The following NDUFA5 variants were observed in gnomAD, a reference collection of about 807,000 sequenced individuals.
NDUFA5 encodes the protein NADH:ubiquinone oxidoreductase subunit A5.
NDUFA5 carries 11 observed loss-of-function variants against 19.8 expected under a neutral mutation model. The ratio of observed to expected loss-of-function variants is 0.56; its 90% CI spans 0.35 to 0.92. The LOEUF is 0.92. Among genes scored for constraint, NDUFA5 ranks in the 40% least tolerant of loss-of-function variants. The probability of loss-of-function intolerance (pLI) is 0.01; values close to 1 mark genes in which losing one functional copy is unlikely to be tolerated. For missense variants in NDUFA5, 109 were observed against 134.2 expected (o/e 0.81, Z 0.93); for synonymous variants, 47 against 46.8 (o/e 1.00, Z -0.01).
the NDUFA5 span, among the ~76,000 whole-genome samples, chr7:123,588,034 T>A: frequency 6.1e-4 from 92 of 151,932 alleles, no homozygotes; most frequent in South Asian, 2.1e-3. Flanking sequence ...GGTATCAGGA[T>A]AATGCTGGCC....
chr7:123,599,305 T>C, the NDUFA5 span, among the ~76,000 whole-genome samples: 2 of 152,060 alleles, frequency 1.3e-5, no homozygotes, highest in Non-Finnish European at 2.9e-5. Context: ...TAACTTAAAG[T>C]AGGACTCCCC....
At chr7:123,592,377 A>G in the NDUFA5 span, among the ~76,000 whole-genome samples, 2 of 152,110 alleles carry the variant, frequency 1.3e-5, no homozygotes, top group Non-Finnish European at 2.9e-5. Context: ...TTGTGATGTT[A>G]GGGTGATTAT....
the NDUFA5 span, among the ~76,000 whole-genome samples, chr7:123,598,260 C>CT: frequency 6.6e-6 from 1 of 152,012 alleles, no homozygotes; most frequent in Non-Finnish European, 1.5e-5. Flanking sequence ...TTTCAAAGAA[C>CT]TTTCATAATT....
At chr7:123,595,514 C>T in the NDUFA5 span, among the ~76,000 whole-genome samples, 14 of 152,170 alleles carry the variant, frequency 9.2e-5, no homozygotes, top group African/African-American at 2.4e-4. Flanking sequence ...GACCAACTAT[C>T]GTCATGCTTA....
the NDUFA5 span, among the ~76,000 whole-genome samples, chr7:123,584,666 G>T: frequency 6.6e-6 from 1 of 152,016 alleles, no homozygotes; most frequent in East Asian, 1.9e-4. Context: ...AAATGCAGCT[G>T]AATAAAAATA....
chr7:123,538,405 C>T lies in NDUFA5; in HGVS notation c.*3714G>A, dbSNP rs929505651. ...CATCAATCATTCAAACCCCTTATCACATTCCCACTGTGATTTCCTGTGAAT... is the reference window on the plus strand; with the variant it reads ...CATCAATCATTCAAACCCCTTATCATATTCCCACTGTGATTTCCTGTGAAT... On this transcript the variant is annotated 3_prime_UTR_variant, in exon 5 of 5. Coordinates refer to ENST00000355749, the MANE Select transcript of NDUFA5 (RefSeq NM_005000.5). 1.3e-5 allele frequency: 2 copies of T among 152,248 alleles called. No individual in the cohort carries two copies. Among genetic ancestry groups the T allele is most frequent in the Admixed American group, 6.5e-5 (1 of 15,290 alleles). 9.4% of individuals were successfully genotyped at this position (152,248 alleles called of 1,614,324 possible).
At chr7:123,589,850 A>C in the NDUFA5 span, among the ~76,000 whole-genome samples, 1 of 152,012 alleles carries the variant, frequency 6.6e-6, no homozygotes, top group Non-Finnish European at 1.5e-5. Context: ...TGGGATCGCT[A>C]AGTCAAATGG....
the NDUFA5 span, among the ~76,000 whole-genome samples, chr7:123,586,017 T>C: frequency 6.6e-6 from 1 of 151,864 alleles, no homozygotes; most frequent in African/African-American, 2.4e-5. Flanking sequence ...TTGCTTATTC[T>C]GAATAATGCT....
the NDUFA5 span, among the ~76,000 whole-genome samples, chr7:123,583,838 G>C: frequency 6.6e-6 from 1 of 151,908 alleles, no homozygotes; most frequent in Non-Finnish European, 1.5e-5. Context: ...CAGTTAGTGA[G>C]ATGATTCCAC....
the NDUFA5 span, among the ~76,000 whole-genome samples, chr7:123,601,626 G>C: frequency 6.6e-6 from 1 of 152,132 alleles, no homozygotes; most frequent in African/African-American, 2.4e-5. Flanking sequence ...GAATTGGCAG[G>C]TCCTTTGTTT....
At chr7:123,551,636 T>C in intron 2 of NDUFA5, 1 of 375,632 alleles carries the variant, frequency 2.7e-6, no homozygotes, top group Non-Finnish European at 3.7e-6. Context: ...CTAAATACGG[T>C]CATAATACTT....
Position 123,540,231 on chromosome 7 carries a change from T to A in NDUFA5, c.*1888A>T, listed in dbSNP as rs576568081. ...CTTATGATAGTGCCTGACATTCATA[T>A]TAAAGTCTCAACAAACATTAGCTAT... On this transcript the variant is annotated 3_prime_UTR_variant, in exon 5 of 5. Coordinates refer to ENST00000355749, the MANE Select transcript of NDUFA5 (RefSeq NM_005000.5). The A allele has an allele frequency of 2.6e-5, 4 of 152,340 alleles. No homozygotes were observed. The highest frequency in any genetic ancestry group is 2.6e-4 in the Admixed American group (4 of 15,300). The allele number at this position is 152,340 out of a possible 1,614,324, so 9.4% of individuals were successfully genotyped here.
the NDUFA5 span, among the ~76,000 whole-genome samples, chr7:123,589,894 C>T: frequency 6.6e-6 from 1 of 152,188 alleles, no homozygotes; most frequent in Admixed American, 6.5e-5. Context: ...GGAATCGCCA[C>T]GCTGTCTTCC....
the NDUFA5 span, among the ~76,000 whole-genome samples, chr7:123,568,213 C>G: frequency 6.6e-6 from 1 of 152,262 alleles, no homozygotes; most frequent in South Asian, 2.1e-4. Context: ...ATAGTTGTCT[C>G]TATTGAAAAT....
rs142574797 is a variant in NDUFA5 at position 123,540,889 on chromosome 7, T to TGCGCGTGCGCGCGC, written c.*1229_*1230insGCGCGCGCACGCGC. On this transcript the variant is annotated 3_prime_UTR_variant, in exon 5 of 5. Transcript: ENST00000355749. Reference sequence around the variant, plus strand: ...TTCTGAGCAAATGTGCGCATGCGCGTGCACACACACACACACACACACACA... The same window carrying TGCGCGTGCGCGCGC: ...TTCTGAGCAAATGTGCGCATGCGCGTGCGCGTGCGCGCGCGCACACACACACACACACACACACA... The TGCGCGTGCGCGCGC allele has an allele frequency of 9.1e-6, 1 of 110,348 alleles. No homozygotes were observed. 6.8% of individuals were successfully genotyped at this position (110,348 alleles called of 1,614,324 possible). A position where few individuals can be genotyped will look rare whatever the true frequency, so the allele number is the denominator to read the frequency against.
intron 3 of NDUFA5, among the ~76,000 whole-genome samples, chr7:123,549,390 A>G (rs929832743): frequency 2.6e-5 from 4 of 152,252 alleles, no homozygotes; most frequent in African/African-American, 9.6e-5. Context: ...AAATAGGACA[A>G]TAAGTAAAGG....
intron 3 of NDUFA5, among the ~76,000 whole-genome samples, chr7:123,548,576 G>T (rs1417681087): frequency 6.6e-6 from 1 of 152,188 alleles, no homozygotes; most frequent in African/African-American, 2.4e-5. Flanking sequence ...AAAATGCAAG[G>T]AATCCACAGA....
At chr7:123,592,120 A>G in the NDUFA5 span, among the ~76,000 whole-genome samples, 1 of 152,010 alleles carries the variant, frequency 6.6e-6, no homozygotes, top group Non-Finnish European at 1.5e-5. Flanking sequence ...AGTAGTTTGT[A>G]TTTCTGTGGG....
Position 123,549,628 on chromosome 7 carries a change from A to G in NDUFA5, c.183+842T>C, listed in dbSNP as rs528982076. Among the ~76,000 whole-genome samples the G allele has an allele frequency of 4.6e-5, 7 of 152,258 alleles. No homozygotes were observed. The East Asian group carries it at 1.4e-3, about 29-fold the overall frequency. On this transcript the variant is annotated intron_variant, in intron 3 of 4. Transcript: ENST00000355749. ...TCCGCCTCTACAAAAAATTTTAAAA[A>G]TTAGCTGGGCATGATGGTGAGTGCC...
Sources: allele counts gnomAD v4.1 joint callset (sites outside exome capture counted in the v4.1 genomes callset), GRCh38; gene constraint gnomAD v4.1.1; transcripts MANE v1.5; gene names NCBI Gene and HGNC (gene_info 2026-07-23, HGNC 2026-07-21).